Variants in GABPB2 observed in about 807,000 individuals in gnomAD.
The protein encoded by GABPB2 is GA binding protein transcription factor subunit beta 2.
In GABPB2, 23 loss-of-function variants were observed where a neutral mutation model predicts 39.1. The observed-to-expected ratio is 0.59, with a 90% CI of 0.42 to 0.83. The LOEUF (loss-of-function observed/expected upper bound fraction) is 0.83. Ranked by LOEUF, GABPB2 falls within the 40% of genes least tolerant of loss-of-function variation. The pLI, the probability that GABPB2 is intolerant of heterozygous loss-of-function variation, is 0.00. For missense variants in GABPB2, 467 were observed against 541.1 expected (o/e 0.86, Z 1.36); for synonymous variants, 184 against 199.3 (o/e 0.92, Z 0.65).
At chr1:151,082,725 T>C (rs1240672126) in intron 1 of GABPB2, among the ~76,000 whole-genome samples, 1 of 151,936 alleles carries the variant, frequency 6.6e-6, no homozygotes, top group Non-Finnish European at 1.5e-5. Context: ...TGGTAATTTC[T>C]TAAAAGTTAG....
At chr1:151,103,708 C>T (rs1558150555) in intron 6 of GABPB2, 33 bp downstream of exon 6, 1 of 1,370,636 alleles carries the variant, frequency 7.3e-7, no homozygotes, top group Non-Finnish European at 1.0e-6. Context: ...GGTGAATCAC[C>T]ACTTTTTCTT....
rs1681222783 is a variant in GABPB2 at position 151,122,603 on chromosome 1, CCCAACCAGCT to C, written c.*4349_*4358del. 1 of 152,030 alleles carries C rather than the reference CCCAACCAGCT, an allele frequency of 6.6e-6. No homozygotes were observed. The highest frequency in any genetic ancestry group is 1.5e-5 in the Non-Finnish European group (1 of 68,004). 9.4% of individuals were successfully genotyped at this position (152,030 alleles called of 1,614,324 possible). On this transcript the variant is annotated 3_prime_UTR_variant, in exon 9 of 9. Transcript: ENST00000368918. Reference sequence around the variant, plus strand: ...GTTAACTCTGCAGATGATATTCAGGCCCAACCAGCTCACTCTCTGGGGTGGCTACTGACTA... The same window carrying C: ...GTTAACTCTGCAGATGATATTCAGGCCACTCTCTGGGGTGGCTACTGACTA...
At chr1:151,107,929 T>C (rs767539231) in intron 7 of GABPB2, among the ~76,000 whole-genome samples, 1 of 151,672 alleles carries the variant, frequency 6.6e-6, no homozygotes, top group Non-Finnish European at 1.5e-5. Flanking sequence ...AGTGAGACTC[T>C]GTCTTTAAAA....
chr1:151,107,545 A>G lies in GABPB2; in HGVS notation c.922+323A>G, dbSNP rs1418071166. 8.0e-5 allele frequency among the ~76,000 whole-genome samples: 12 copies of G among 149,660 alleles called. No individual in the cohort carries two copies. The Admixed American group carries it at 8.1e-4, about 10-fold the overall frequency. ...AGAAGGGATTCTCACTCTCTCACCC[A>G]GGCTGGAGTGCAGTGGTGCAATCTC... On this transcript the variant is annotated intron_variant, in intron 7 of 8. Coordinates refer to ENST00000368918, the MANE Select transcript of GABPB2 (RefSeq NM_144618.3).
chr1:151,108,326 C>T (rs587595504), intron 7 of GABPB2, among the ~76,000 whole-genome samples: 3 of 152,170 alleles, frequency 2.0e-5, no homozygotes, highest in South Asian at 2.1e-4. Flanking sequence ...CACACCAACA[C>T]GCCCAGTTAA....
At position 151,123,930 on chromosome 1, in the gene GABPB2, C is replaced by G. The variant is rs1185537326; in HGVS notation, c.*5674C>G. On this transcript the variant is annotated 3_prime_UTR_variant, in exon 9 of 9. Transcript: ENST00000368918. ...ACATGGTGGCTCACGCCTGTAATCC[C>G]AGCACTTTGGGAGGCCGAGATGGGA... 1 of 151,198 alleles carries G rather than the reference C, an allele frequency of 6.6e-6. No individual in the cohort carries two copies. Among genetic ancestry groups the G allele is most frequent in the Non-Finnish European group, 1.5e-5 (1 of 67,900 alleles). 9.4% of individuals were successfully genotyped at this position (151,198 alleles called of 1,614,324 possible).
chr1:151,080,230 A>AAC, intron 1 of GABPB2, among the ~76,000 whole-genome samples: 1 of 143,326 alleles, frequency 7.0e-6, no homozygotes, highest in Non-Finnish European at 1.5e-5. Flanking sequence ...AAAAAAAAAA[A>AAC]AAAAAAAAAA....
chr1:151,072,413 T>C (rs977533255), intron 1 of GABPB2, among the ~76,000 whole-genome samples: 1 of 151,994 alleles, frequency 6.6e-6, no homozygotes, highest in Non-Finnish European at 1.5e-5. Flanking sequence ...TTTAATCAGC[T>C]GGGCGTGGTA....
intron 1 of GABPB2, among the ~76,000 whole-genome samples, chr1:151,087,694 GTT>G (rs1329783746): frequency 6.6e-6 from 1 of 152,058 alleles, no homozygotes; most frequent in African/African-American, 2.4e-5. Context: ...GATGTGTCCT[GTT>G]TCATTGTGCT....
At chr1:151,080,409 G>A (rs1242819114) in intron 1 of GABPB2, among the ~76,000 whole-genome samples, 1 of 150,326 alleles carries the variant, frequency 6.7e-6, no homozygotes, top group African/African-American at 2.5e-5. Context: ...TACTCGGGAG[G>A]CTGAGGCAGG....
intron 1 of GABPB2, among the ~76,000 whole-genome samples, chr1:151,085,553 G>C (rs997133493): frequency 2.0e-5 from 3 of 152,026 alleles, no homozygotes; most frequent in African/African-American, 7.2e-5. Flanking sequence ...CCATTCTCCT[G>C]CCTCAGCCTC....
At chr1:151,106,988 CTA>C (rs1680018553) in intron 6 of GABPB2, 47 bp from the exon 7 acceptor site, 1 of 1,373,274 alleles carries the variant, frequency 7.3e-7, no homozygotes. Context: ...TGCTATACTC[CTA>C]TGTTTTTAAA....
At chr1:151,099,009 G>C (rs956023623) in intron 5 of GABPB2, among the ~76,000 whole-genome samples, 3 of 150,358 alleles carry the variant, frequency 2.0e-5, no homozygotes, top group Admixed American at 1.3e-4. Flanking sequence ...GCTTGAACCT[G>C]GAAGGCGGAG....
intron 1 of GABPB2, among the ~76,000 whole-genome samples, chr1:151,082,651 C>T (rs587711161): frequency 1.3e-3 from 191 of 151,408 alleles, no homozygotes; most frequent in Admixed American, 2.5e-3. Flanking sequence ...CCTTGTGATC[C>T]GCCCACCTCA....
chr1:151,096,064 T>C (rs2101512239), intron 4 of GABPB2, among the ~76,000 whole-genome samples: 1 of 143,966 alleles, frequency 6.9e-6, no homozygotes, highest in Non-Finnish European at 1.5e-5. Context: ...AATTTCACAA[T>C]ATCCAAAGAA....
chr1:151,102,960 G>C (rs1679651861), intron 5 of GABPB2, among the ~76,000 whole-genome samples: 1 of 151,600 alleles, frequency 6.6e-6, no homozygotes, highest in Admixed American at 6.6e-5. Flanking sequence ...AGCACTCTTG[G>C]TCTGTTAGCT....
chr1:151,110,424 G>C (rs1444439013), intron 7 of GABPB2, among the ~76,000 whole-genome samples: 1 of 151,982 alleles, frequency 6.6e-6, no homozygotes, highest in Non-Finnish European at 1.5e-5. Flanking sequence ...AAACTGAGTT[G>C]TTTTGGAGAA....
At chr1:151,077,557 A>ACTT (rs1677282639) in intron 1 of GABPB2, among the ~76,000 whole-genome samples, 1 of 151,242 alleles carries the variant, frequency 6.6e-6, no homozygotes, top group Admixed American at 6.6e-5. Context: ...GGGTTTCACC[A>ACTT]TGTTGGCCAG....
intron 6 of GABPB2, 54 bp downstream of exon 6, chr1:151,103,729 G>A: frequency 8.8e-7 from 1 of 1,132,256 alleles, no homozygotes; most frequent in Non-Finnish European, 1.3e-6. Context: ...TTGTTTTTAA[G>A]TCTCCAGCAG....
Sources: allele counts gnomAD v4.1 joint callset (sites outside exome capture counted in the v4.1 genomes callset), GRCh38; gene constraint gnomAD v4.1.1; transcripts MANE v1.5; gene names NCBI Gene and HGNC (gene_info 2026-07-23, HGNC 2026-07-21).